MTCL3: variants seen among roughly 807,000 people sequenced by gnomAD.
The protein encoded by MTCL3 is microtubule cross-linking factor 3.
the MTCL3 span, chr6:127,515,089 C>T: frequency 4.7e-5 from 74 of 1,563,988 alleles, 1 homozygote; most frequent in Middle Eastern, 1.8e-3. This position sits in a 1 kb window ranked among gnomAD's most constrained non-coding sequence, Gnocchi z 4.3. Flanking sequence ...AAACTCGCTT[C>T]CAGCCCTTCC....
chr6:127,501,550 G>GA, the MTCL3 span, among the ~76,000 whole-genome samples: 1 of 152,088 alleles, frequency 6.6e-6, no homozygotes, highest in Non-Finnish European at 1.5e-5. Flanking sequence ...GTGAAGGAAA[G>GA]AAAAAATTAA....
the MTCL3 span, among the ~76,000 whole-genome samples, chr6:127,474,198 T>A: frequency 6.6e-6 from 1 of 152,106 alleles, no homozygotes; most frequent in Non-Finnish European, 1.5e-5. Context: ...TCCAGGGGGT[T>A]GTAGACACAA....
the MTCL3 span, among the ~76,000 whole-genome samples, chr6:127,488,193 A>G: frequency 0.14 from 20,975 of 152,094 alleles, 2,274 homozygotes; most frequent in East Asian, 0.64. Flanking sequence ...ACATTCTTCC[A>G]TCATATACTC....
At chr6:127,491,985 C>A in the MTCL3 span, among the ~76,000 whole-genome samples, 537 of 151,676 alleles carry the variant, frequency 3.5e-3, 3 homozygotes, top group Middle Eastern at 0.02. Context: ...GCAGAAATGG[C>A]GTGCTGGTTC....
At chr6:127,516,826 C>T in the MTCL3 span, 2 of 820,420 alleles carry the variant, frequency 2.4e-6, no homozygotes, top group Non-Finnish European at 3.6e-6. Context: ...GGATGCAGGG[C>T]TGTCTTTAGG....
chr6:127,491,039 A>G, the MTCL3 span, among the ~76,000 whole-genome samples: 1 of 152,206 alleles, frequency 6.6e-6, no homozygotes, highest in Non-Finnish European at 1.5e-5. Flanking sequence ...TCCTGATACA[A>G]CTTTAATGGA....
At chr6:127,516,162 C>T in the MTCL3 span, 1 of 1,439,388 alleles carries the variant, frequency 6.9e-7, no homozygotes, top group Non-Finnish European at 9.1e-7. Flanking sequence ...AGGGCACGGA[C>T]TCTAGCTCCC....
At chr6:127,482,909 A>G in the MTCL3 span, 2 of 1,594,142 alleles carry the variant, frequency 1.3e-6, no homozygotes, top group Non-Finnish European at 8.5e-7. This position sits in a 1 kb window ranked among gnomAD's most constrained non-coding sequence, Gnocchi z 4.1. Context: ...TTATTTCCAC[A>G]TACCTCTGTG....
At chr6:127,480,398 C>T in the MTCL3 span, among the ~76,000 whole-genome samples, 1 of 152,152 alleles carries the variant, frequency 6.6e-6, no homozygotes, top group Non-Finnish European at 1.5e-5. Flanking sequence ...TATCATTTCT[C>T]TGTAAATAAA....
At chr6:127,475,792 C>A in the MTCL3 span, 4 of 1,611,350 alleles carry the variant, frequency 2.5e-6, no homozygotes, top group Non-Finnish European at 3.4e-6. This position sits in a 1 kb window ranked among gnomAD's most constrained non-coding sequence, Gnocchi z 7.3. Context: ...GGGGCTGCCG[C>A]GGATGCCCAG....
At chr6:127,500,491 T>C in the MTCL3 span, among the ~76,000 whole-genome samples, 1 of 152,170 alleles carries the variant, frequency 6.6e-6, no homozygotes, top group Non-Finnish European at 1.5e-5. Context: ...TTAAAATCAT[T>C]GATAGCATTG....
At chr6:127,474,206 C>T in the MTCL3 span, among the ~76,000 whole-genome samples, 1 of 151,634 alleles carries the variant, frequency 6.6e-6, no homozygotes, top group South Asian at 2.1e-4. Context: ...GTTGTAGACA[C>T]AAAACCATGT....
At chr6:127,473,015 A>C in the MTCL3 span, 1 of 848,026 alleles carries the variant, frequency 1.2e-6, no homozygotes, top group Non-Finnish European at 1.4e-6. Flanking sequence ...AGAGGAGACA[A>C]ACAGGATGAA....
At chr6:127,503,132 A>G in the MTCL3 span, among the ~76,000 whole-genome samples, 1 of 152,156 alleles carries the variant, frequency 6.6e-6, no homozygotes, top group Non-Finnish European at 1.5e-5. Context: ...TGGGTCAGGA[A>G]GAACATGAAA....
the MTCL3 span, among the ~76,000 whole-genome samples, chr6:127,494,155 T>G: frequency 3.9e-5 from 6 of 152,210 alleles, no homozygotes; most frequent in Admixed American, 1.3e-4. Flanking sequence ...CTTTTCCTAG[T>G]GTATTATTTG....
the MTCL3 span, among the ~76,000 whole-genome samples, chr6:127,487,690 C>T: frequency 6.6e-6 from 1 of 152,148 alleles, no homozygotes; most frequent in African/African-American, 2.4e-5. Context: ...GGATCCCAAG[C>T]TTCATACTAA....
At chr6:127,500,310 C>G in the MTCL3 span, among the ~76,000 whole-genome samples, 7 of 152,130 alleles carry the variant, frequency 4.6e-5, no homozygotes, top group Non-Finnish European at 8.8e-5. Flanking sequence ...ATTTTTTTGA[C>G]TCAATAATTT....
At chr6:127,515,922 G>A in the MTCL3 span, 1,057 of 1,610,306 alleles carry the variant, frequency 6.6e-4, 2 homozygotes, top group Middle Eastern at 0.011. This position sits in a 1 kb window ranked among gnomAD's most constrained non-coding sequence, Gnocchi z 4.3. Context: ...CGGAGTTTCT[G>A]CTGCCGGTTC....
At chr6:127,517,246 C>T in the MTCL3 span, among the ~76,000 whole-genome samples, 2 of 152,164 alleles carry the variant, frequency 1.3e-5, no homozygotes, top group Admixed American at 6.5e-5. Flanking sequence ...ACACTTTCCC[C>T]AGGCAGCTCC....
Sources: gnomAD v4.1 joint callset for allele counts (sites outside exome capture counted in the v4.1 genomes callset) on GRCh38, gnomAD v4.1.1 for gene constraint, Gnocchi (gnomAD v3.1) non-coding constraint, MANE v1.5 for transcripts, NCBI Gene and HGNC (gene_info 2026-07-23, HGNC 2026-07-21) for gene names.